Variants in MDGA2 observed in about 807,000 individuals in gnomAD.
The protein encoded by MDGA2 is MAM domain containing glycosylphosphatidylinositol anchor 2.
MDGA2 carries 40 observed loss-of-function variants against 117.8 expected under a neutral mutation model. The ratio of observed to expected loss-of-function variants is 0.34; its 90% CI spans 0.26 to 0.44. The LOEUF is 0.44. MDGA2 is among the 20% of genes least tolerant of loss of function. The pLI, the probability that MDGA2 is intolerant of heterozygous loss-of-function variation, is 1.00. For missense variants in MDGA2, 1,123 were observed against 1,250.6 expected (o/e 0.90, Z 1.54); for synonymous variants, 452 against 439.0 (o/e 1.03, Z -0.37).
intron 1 of MDGA2, among the ~76,000 whole-genome samples, chr14:47,375,579 C>T (rs892835080): frequency 1.3e-5 from 2 of 152,000 alleles, no homozygotes; most frequent in African/African-American, 2.4e-5. Context: ...TTTTCTGATT[C>T]TATAACTACA....
chr14:47,371,945 T>C (rs74047416), intron 1 of MDGA2, among the ~76,000 whole-genome samples: 39,545 of 151,588 alleles, frequency 0.26, 5,349 homozygotes, highest in South Asian at 0.45. Flanking sequence ...CTTTCAATTA[T>C]TATTTTGAAA....
intron 3 of MDGA2, among the ~76,000 whole-genome samples, chr14:47,189,607 T>A (rs1885037333): frequency 6.6e-6 from 1 of 152,206 alleles, no homozygotes; most frequent in Non-Finnish European, 1.5e-5. Context: ...TGTCATTGAT[T>A]TGCAGTTTCA....
rs758164550 is a variant in MDGA2 at position 46,845,529 on chromosome 14, C to T, written c.2989+237G>A. 1.2e-3 allele frequency among the ~76,000 whole-genome samples: 188 copies of T among 152,102 alleles called. 1 individual carries two copies. The highest frequency in any genetic ancestry group is 2.1e-3 in the Non-Finnish European group (145 of 67,992). ...TTAATTAAAAATCAAAGTGTACTTG[C>T]CTTACGTAGATCTAAATCAAAATCT... On this transcript the variant is annotated intron_variant, in intron 16 of 16. Coordinates refer to ENST00000399232, the MANE Select transcript of MDGA2 (RefSeq NM_001113498.3).
At chr14:47,173,118 A>C (rs1406077229) in intron 3 of MDGA2, among the ~76,000 whole-genome samples, 1 of 152,120 alleles carries the variant, frequency 6.6e-6, no homozygotes, top group Non-Finnish European at 1.5e-5. Context: ...AAAAAGAAAC[A>C]AACAAAGCCT....
intron 6 of MDGA2, among the ~76,000 whole-genome samples, chr14:47,062,695 GGCT>G (rs1296737707): frequency 6.6e-6 from 1 of 151,840 alleles, no homozygotes; most frequent in East Asian, 1.9e-4. Flanking sequence ...GACACTAGAA[GGCT>G]GCTAACAGCA....
chr14:47,424,384 C>T (rs1439128739), intron 1 of MDGA2, among the ~76,000 whole-genome samples: 1 of 150,366 alleles, frequency 6.7e-6, no homozygotes, highest in Non-Finnish European at 1.5e-5. Context: ...GATCACGCCA[C>T]TGCCCTAAAC....
chr14:46,942,666 T>C (rs953153435), intron 9 of MDGA2, among the ~76,000 whole-genome samples: 2 of 152,146 alleles, frequency 1.3e-5, no homozygotes, highest in African/African-American at 4.8e-5. Context: ...AAATATGCAC[T>C]TTCTGTATTT....
intron 4 of MDGA2, among the ~76,000 whole-genome samples, chr14:47,139,579 G>T (rs549324439): frequency 6.6e-6 from 1 of 151,228 alleles, no homozygotes; most frequent in Non-Finnish European, 1.5e-5. Context: ...AGCCACAAAG[G>T]TCAATGACTA....
intron 7 of MDGA2, among the ~76,000 whole-genome samples, chr14:47,053,783 G>A (rs1183613626): frequency 6.6e-6 from 1 of 151,598 alleles, no homozygotes; most frequent in Non-Finnish European, 1.5e-5. Flanking sequence ...TCTGATTGAA[G>A]TTGAAAAGGG....
chr14:47,272,381 T>C (rs1888174344), intron 2 of MDGA2, among the ~76,000 whole-genome samples: 1 of 152,072 alleles, frequency 6.6e-6, no homozygotes, highest in South Asian at 2.1e-4. Context: ...ACCAGTTATG[T>C]CACACCAGAA....
chr14:47,523,311 A>G (rs543393505), intron 1 of MDGA2, among the ~76,000 whole-genome samples: 1 of 152,348 alleles, frequency 6.6e-6, no homozygotes, highest in Admixed American at 6.5e-5. Flanking sequence ...AGTTCTGGAT[A>G]TACATTAGAA....
At position 47,348,974 on chromosome 14, in the gene MDGA2, A is replaced by G. The variant is rs79583009; in HGVS notation, c.281-47424T>C. ...ATCCAGTGGAGATTGAAAGGATGGA[A>G]AAAATAAACTTATAGTGAAATCAAT... On this transcript the variant is annotated intron_variant, in intron 1 of 16. Coordinates refer to ENST00000399232, the MANE Select transcript of MDGA2 (RefSeq NM_001113498.3). 1.0e-2 allele frequency among the ~76,000 whole-genome samples: 1,519 copies of G among 152,328 alleles called. 24 individuals carry two copies. The highest frequency in any genetic ancestry group is 0.034 in the African/African-American group (1,401 of 41,576).
chr14:47,359,353 A>G (rs571131663), intron 1 of MDGA2, among the ~76,000 whole-genome samples: 2 of 152,240 alleles, frequency 1.3e-5, no homozygotes, highest in South Asian at 4.1e-4. Flanking sequence ...ACTCTGTCTC[A>G]AAAACAAACA....
rs1470836733 is a variant in MDGA2, at chr14:46,961,897, C to T, written c.1820-4254G>A. Among the ~76,000 whole-genome samples the T allele has an allele frequency of 3.3e-5, 5 of 152,254 alleles. No individual in the cohort carries two copies. In the East Asian group the frequency reaches 9.7e-4, roughly 30 times the overall value. ...GACCTCGTGATCCACCTGCCTTGGC[C>T]TCCCAAAGCACTGGGATTACAGGCG... On this transcript the variant is annotated intron_variant, in intron 8 of 16. Coordinates refer to ENST00000399232, the MANE Select transcript of MDGA2 (RefSeq NM_001113498.3).
intron 5 of MDGA2, among the ~76,000 whole-genome samples, chr14:47,119,172 C>T (rs866977976): frequency 1.4e-4 from 2 of 14,060 alleles, no homozygotes; most frequent in Non-Finnish European, 6.5e-4. Flanking sequence ...TGCCTCAGCC[C>T]CGCCCCCCCC....
chr14:47,267,741 A>C (rs1888013813), intron 2 of MDGA2, among the ~76,000 whole-genome samples: 1 of 152,106 alleles, frequency 6.6e-6, no homozygotes, highest in South Asian at 2.1e-4. Context: ...AATTTTGTCC[A>C]CTGTTTGCTT....
intron 5 of MDGA2, among the ~76,000 whole-genome samples, chr14:47,104,682 T>TGGTGCC (rs1465789392): frequency 4.6e-5 from 7 of 152,160 alleles, no homozygotes; most frequent in Admixed American, 4.6e-4. Flanking sequence ...GCATGAAATT[T>TGGTGCC]GGTGCCGTGA....
At chr14:47,200,114 T>G (rs905754660) in intron 3 of MDGA2, among the ~76,000 whole-genome samples, 2 of 152,006 alleles carry the variant, frequency 1.3e-5, no homozygotes, top group African/African-American at 4.8e-5. Context: ...ATTTATATAT[T>G]TACTTGTATG....
At chr14:46,875,373 A>C (rs771688449) in intron 12 of MDGA2, among the ~76,000 whole-genome samples, 1 of 151,750 alleles carries the variant, frequency 6.6e-6, no homozygotes, top group East Asian at 1.9e-4. Context: ...TTAGGGAATG[A>C]GTTTATGTTT....
Sources: allele counts gnomAD v4.1 joint callset (sites outside exome capture counted in the v4.1 genomes callset), GRCh38; gene constraint gnomAD v4.1.1; transcripts MANE v1.5; gene names NCBI Gene and HGNC (gene_info 2026-07-23, HGNC 2026-07-21).